Variants in TRIM2 observed in about 807,000 individuals in gnomAD.
TRIM2 encodes the protein tripartite motif-containing protein 2.
In TRIM2, 20 loss-of-function variants were observed where a neutral mutation model predicts 75.2. The ratio of observed to expected loss-of-function variants is 0.27; its 90% CI spans 0.19 to 0.39. The LOEUF is 0.39. Among genes scored for constraint, TRIM2 ranks in the 10% least tolerant of loss-of-function variants. The pLI, the probability that TRIM2 is intolerant of heterozygous loss-of-function variation, is 1.00. For missense variants in TRIM2, 660 were observed against 990.8 expected (o/e 0.67, Z 4.48); for synonymous variants, 373 against 388.3 (o/e 0.96, Z 0.46).
intron 1 of TRIM2, among the ~76,000 whole-genome samples, chr4:153,221,678 A>AAGGAAGGAAGGATGGAGGG (rs998055400): frequency 6.6e-6 from 1 of 151,460 alleles, no homozygotes; most frequent in Non-Finnish European, 1.5e-5. Flanking sequence ...GGAGGAAGGT[A>AAGGAAGGAAGGATGGAGGG]AGGAAGGAAG....
chr4:153,327,485 A>C (rs1770503383), intron 10 of TRIM2, among the ~76,000 whole-genome samples: 1 of 152,228 alleles, frequency 6.6e-6, no homozygotes, highest in African/African-American at 2.4e-5. Flanking sequence ...CTTACTCTCA[A>C]AGTGCCTTTT....
intron 1 of TRIM2, among the ~76,000 whole-genome samples, chr4:153,242,224 G>C (rs1407274527): frequency 6.6e-6 from 1 of 152,170 alleles, no homozygotes; most frequent in African/African-American, 2.4e-5. Flanking sequence ...GTTTATTTTA[G>C]TGTTGGATTT....
chr4:153,224,141 C>G (rs1462063560), intron 1 of TRIM2, among the ~76,000 whole-genome samples: 1 of 152,152 alleles, frequency 6.6e-6, no homozygotes, highest in Non-Finnish European at 1.5e-5. Context: ...CTGGTACCTG[C>G]CCTTCAGCTC....
chr4:153,163,496 T>TA (rs1491543614), intron 1 of TRIM2, among the ~76,000 whole-genome samples: 8 of 48,168 alleles, frequency 1.7e-4, no homozygotes, highest in Non-Finnish European at 2.6e-4. Context: ...GATTTACATC[T>TA]TTTTTTTTTT....
intron 1 of TRIM2, among the ~76,000 whole-genome samples, chr4:153,178,047 A>C (rs1280592158): frequency 6.6e-6 from 1 of 152,054 alleles, no homozygotes; most frequent in East Asian, 1.9e-4. Flanking sequence ...AGCAATCTGC[A>C]CACCTCGGCC....
intron 1 of TRIM2, among the ~76,000 whole-genome samples, chr4:153,244,246 CTCT>C (rs1353862932): frequency 3.3e-5 from 4 of 121,126 alleles, no homozygotes; most frequent in South Asian, 3.1e-4. Context: ...CTTCTCCTTC[CTCT>C]TCTTTCCTCC....
intron 1 of TRIM2, among the ~76,000 whole-genome samples, chr4:153,244,274 C>A (rs1156819690): frequency 8.7e-4 from 9 of 10,380 alleles, no homozygotes; most frequent in African/African-American, 4.3e-3. Flanking sequence ...CCTCCTCCTC[C>A]TCCTCCTCCT....
chr4:153,297,702 G>A (rs1763042291), intron 6 of TRIM2, among the ~76,000 whole-genome samples: 1 of 152,160 alleles, frequency 6.6e-6, no homozygotes, highest in African/African-American at 2.4e-5. Flanking sequence ...GCCATGTGCA[G>A]TGAAAGACTC....
At chr4:153,325,607 T>C (rs1769993850) in intron 10 of TRIM2, among the ~76,000 whole-genome samples, 1 of 152,196 alleles carries the variant, frequency 6.6e-6, no homozygotes, top group East Asian at 1.9e-4. Context: ...GTTCTCATAC[T>C]TCCTACTCTC....
chr4:153,257,578 C>T lies in TRIM2; in HGVS notation c.31-12757C>T, dbSNP rs560172679. Reference sequence around the variant, plus strand: ...ATCACTACTTAGAGCAGAAGATATGCTGGGCTTCTGATGATGGCTGCACTG... The same window carrying T: ...ATCACTACTTAGAGCAGAAGATATGTTGGGCTTCTGATGATGGCTGCACTG... On this transcript the variant is annotated intron_variant, in intron 1 of 11. Transcript: ENST00000338700. 28 of 1,289,812 alleles carry T rather than the reference C, an allele frequency of 2.2e-5. No homozygotes were observed. The South Asian group carries it at 3.2e-4, about 15-fold the overall frequency. The allele number at this position is 1,289,812 out of a possible 1,614,324, so 79.9% of individuals were successfully genotyped here. A position where few individuals can be genotyped will look rare whatever the true frequency, so the allele number is the denominator to read the frequency against.
In TRIM2 at chr4:153,322,766, A is replaced by AAAT. The variant is rs1201513009; in HGVS notation, c.1903_1905dup (p.Ile635dup). On this transcript the variant is annotated inframe_insertion, in exon 9 of 12. Transcript: ENST00000338700. ...GTGTTTATCTTCCAGCCAAACGGGA[A>AAAT]AATAGTCACCAGGTTTGGTAGCCGA... The AAAT allele has an allele frequency of 3.1e-6, 5 of 1,614,106 alleles. No homozygotes were observed. The highest frequency in any genetic ancestry group is 4.2e-6 in the Non-Finnish European group (5 of 1,180,040).
intron 2 of TRIM2, among the ~76,000 whole-genome samples, chr4:153,275,201 C>T (rs565003343): frequency 6.6e-6 from 1 of 152,252 alleles, no homozygotes; most frequent in East Asian, 1.9e-4. Flanking sequence ...CTCATAGGCT[C>T]ATTGGAAGTA....
intron 1 of TRIM2, among the ~76,000 whole-genome samples, chr4:153,229,225 C>T (rs573215342): frequency 6.6e-6 from 1 of 152,282 alleles, no homozygotes; most frequent in Admixed American, 6.5e-5. Flanking sequence ...TATATTGTTT[C>T]ACTTAAACAA....
In TRIM2 at chr4:153,282,606, ATTTG is replaced by A. The variant is rs1210082483; in HGVS notation, c.453+6488_453+6491del. On this transcript the variant is annotated intron_variant, in intron 3 of 11. Transcript: ENST00000338700. ...TAAAATTTAATATTTCAACAATTTTATTTGTTTGTTTGTTTTTTTGTTTTGAGAC... is the reference window on the plus strand; with the variant it reads ...TAAAATTTAATATTTCAACAATTTTATTTGTTTGTTTTTTTGTTTTGAGAC... Among the ~76,000 whole-genome samples, 4 of 152,082 alleles carry A rather than the reference ATTTG, an allele frequency of 2.6e-5. No individual in the cohort carries two copies. The East Asian group carries it at 5.8e-4, about 22-fold the overall frequency.
intron 1 of TRIM2, among the ~76,000 whole-genome samples, chr4:153,167,177 G>C (rs1730406160): frequency 6.6e-6 from 1 of 152,200 alleles, no homozygotes; most frequent in Admixed American, 6.5e-5. Context: ...TGTCCAGGGA[G>C]GTAAAGAACA....
chr4:153,270,192 T>C, intron 1 of TRIM2, 143 bp from the exon 2 acceptor site: 1 of 880,124 alleles, frequency 1.1e-6, no homozygotes, highest in Admixed American at 3.2e-5. Flanking sequence ...CCTCCCAAAG[T>C]GCTGGGATTA....
intron 6 of TRIM2, chr4:153,310,183 A>T (rs942291512): frequency 6.6e-6 from 1 of 152,242 alleles, no homozygotes; most frequent in Admixed American, 6.5e-5. Flanking sequence ...TAATTACTTT[A>T]AAAATTCTTG....
At chr4:153,194,275 C>A (rs1468485758) in intron 1 of TRIM2, among the ~76,000 whole-genome samples, 15 of 152,158 alleles carry the variant, frequency 9.9e-5, no homozygotes, top group Admixed American at 9.8e-4. Context: ...ATTAAAACTT[C>A]TTTAAGAAGT....
intron 1 of TRIM2, among the ~76,000 whole-genome samples, chr4:153,244,349 T>TTCCTCTTCC (rs1560874161): frequency 3.3e-5 from 1 of 30,476 alleles, no homozygotes; most frequent in East Asian, 5.8e-4. Flanking sequence ...CTTCTTCTTC[T>TTCCTCTTCC]TCTTCCTCTT....
Sources: allele counts gnomAD v4.1 joint callset (sites outside exome capture counted in the v4.1 genomes callset), GRCh38; gene constraint gnomAD v4.1.1; transcripts MANE v1.5; gene names NCBI Gene and HGNC (gene_info 2026-07-23, HGNC 2026-07-21).